The following COX10 variants were observed in gnomAD, a reference collection of about 807,000 sequenced individuals.
COX10 encodes the protein protoheme IX farnesyltransferase, mitochondrial.
In COX10, 27 loss-of-function variants were observed where a neutral mutation model predicts 37.3. The observed-to-expected ratio is 0.72, with a 90% CI of 0.53 to 1.00. COX10 has a LOEUF of 1.00. Ranked by LOEUF, COX10 falls within the 50% of genes least tolerant of loss-of-function variation. COX10 has a pLI of 0.00. For synonymous variants in COX10, 222 were observed against 229.1 expected, an observed-to-expected ratio of 0.97 and a Z score of 0.28; for missense variants, 475 against 563.2, an observed-to-expected ratio of 0.84 and a Z score of 1.59.
intron 3 of COX10, among the ~76,000 whole-genome samples, chr17:14,098,941 A>G (rs1481675500): frequency 6.6e-6 from 1 of 152,044 alleles, no homozygotes; most frequent in Non-Finnish European, 1.5e-5. Flanking sequence ...AACAGGCTGT[A>G]CCCCTAAGCA....
intron 5 of COX10, among the ~76,000 whole-genome samples, chr17:14,164,822 T>C (rs555529443): frequency 1.3e-5 from 2 of 152,250 alleles, no homozygotes; most frequent in Middle Eastern, 6.8e-3. Flanking sequence ...TTAAATTGAG[T>C]CAGTGAAAGA....
chr17:14,196,303 T>C (rs955958007), intron 6 of COX10, among the ~76,000 whole-genome samples: 3 of 152,104 alleles, frequency 2.0e-5, no homozygotes, highest in Non-Finnish European at 4.4e-5. Flanking sequence ...AATCAAATGA[T>C]TGAGTGATCT....
chr17:14,164,991 C>T lies in COX10; in HGVS notation c.695+5044C>T, dbSNP rs571663418. ...TTTGCCCCAACAGAATTATTGATAA[C>T]GTCCTCTTTCCCTTTCAACAATGCC... is the stretch of plus-strand genomic sequence containing the variant. On this transcript the variant is annotated intron_variant, in intron 5 of 6. Coordinates refer to ENST00000261643, the MANE Select transcript of COX10 (RefSeq NM_001303.4). 2.4e-4 allele frequency among the ~76,000 whole-genome samples: 37 copies of T among 152,264 alleles called. No individual in the cohort carries two copies. In the South Asian group the frequency reaches 7.1e-3, roughly 29 times the overall value.
At chr17:14,201,738 T>C (rs1906546098) in intron 6 of COX10, among the ~76,000 whole-genome samples, 1 of 152,196 alleles carries the variant, frequency 6.6e-6, no homozygotes, top group South Asian at 2.1e-4. Context: ...GATGTTGTTT[T>C]TCTTGAAAGA....
chr17:14,102,017 C>T, intron 3 of COX10, 101 bp from the exon 4 acceptor site: 1 of 1,409,990 alleles, frequency 7.1e-7, no homozygotes, highest in South Asian at 1.2e-5. Context: ...TTAATATAAT[C>T]AATTAGTTTA....
chr17:14,163,674 TAAAAG>T (rs1905217066), intron 5 of COX10, among the ~76,000 whole-genome samples: 1 of 152,144 alleles, frequency 6.6e-6, no homozygotes, highest in Non-Finnish European at 1.5e-5. Context: ...AGCCATGTCT[TAAAAG>T]AAAAAAAGCA....
At chr17:14,146,638 T>C (rs1022425877) in intron 4 of COX10, among the ~76,000 whole-genome samples, 14 of 151,946 alleles carry the variant, frequency 9.2e-5, no homozygotes, top group Non-Finnish European at 2.1e-4. Flanking sequence ...CATGGACAAA[T>C]GGGATCACAT....
chr17:14,104,640 A>G (rs1163501833), intron 4 of COX10, among the ~76,000 whole-genome samples: 4 of 152,104 alleles, frequency 2.6e-5, no homozygotes, highest in Admixed American at 2.6e-4. Context: ...AATTTTATTT[A>G]TATTTTGTAT....
chr17:14,093,557 A>G (rs1404354422), intron 3 of COX10, among the ~76,000 whole-genome samples: 1 of 152,214 alleles, frequency 6.6e-6, no homozygotes, highest in African/African-American at 2.4e-5. Flanking sequence ...GGTTAGAACT[A>G]GGGGCCTGGC....
chr17:14,073,053 G>A (rs1210953271), intron 1 of COX10, among the ~76,000 whole-genome samples: 2 of 152,198 alleles, frequency 1.3e-5, no homozygotes, highest in African/African-American at 4.8e-5. Context: ...ATTGTGAAAC[G>A]TGTGGTGTTT....
At chr17:14,076,355 A>G (rs1567585499) in intron 2 of COX10, among the ~76,000 whole-genome samples, 1 of 152,012 alleles carries the variant, frequency 6.6e-6, no homozygotes, top group Non-Finnish European at 1.5e-5. Flanking sequence ...GATTACAGTC[A>G]TGAGCCACTG....
chr17:14,085,970 C>T (rs148476120), intron 3 of COX10, among the ~76,000 whole-genome samples: 10 of 152,236 alleles, frequency 6.6e-5, no homozygotes, highest in East Asian at 1.9e-4. Context: ...ATTTGTCATA[C>T]GCTGAGTGGT....
At chr17:14,164,444 T>C (rs183466809) in intron 5 of COX10, among the ~76,000 whole-genome samples, 12 of 152,368 alleles carry the variant, frequency 7.9e-5, no homozygotes, top group African/African-American at 2.9e-4. Context: ...GCTTATAAAA[T>C]GTTCTATCAT....
At position 14,169,469 on chromosome 17, in the gene COX10, A is replaced by C. The variant is rs543182323; in HGVS notation, c.695+9522A>C. Among the ~76,000 whole-genome samples, 22 of 152,236 alleles carry C rather than the reference A, an allele frequency of 1.4e-4. 1 individual carries two copies. In the South Asian group the frequency reaches 4.1e-3, roughly 29 times the overall value. On this transcript the variant is annotated intron_variant, in intron 5 of 6. Transcript: ENST00000261643. ...TTCCACATTTTCAGGTATCTTTGTA[A>C]GAGCACCCCACTCCTGGTACCAATT...
In COX10 at chr17:14,207,326, T is replaced by C; in HGVS notation, c.*113T>C. 6 of 1,360,920 alleles carry C rather than the reference T, an allele frequency of 4.4e-6. No individual in the cohort carries two copies. Among genetic ancestry groups the C allele is most frequent in the Non-Finnish European group, 5.8e-6 (6 of 1,037,190 alleles). The allele number at this position is 1,360,920 out of a possible 1,614,324, so 84.3% of individuals were successfully genotyped here. ...GGTTTAGAACAAGATTATAAACGAATTCGGTGCTCAGTGATCACTTGACAG... is the reference window on the plus strand; with the variant it reads ...GGTTTAGAACAAGATTATAAACGAACTCGGTGCTCAGTGATCACTTGACAG... On this transcript the variant is annotated 3_prime_UTR_variant, in exon 7 of 7. Transcript: ENST00000261643.
In COX10 at chr17:14,102,270, T is replaced by C. The variant is rs183895001; in HGVS notation, c.624+28T>C. On this transcript the variant is annotated intron_variant, in intron 4 of 6. Transcript: ENST00000261643. Reference sequence around the variant, plus strand: ...CAGTTTCTCACTTTCATCTAAATTATGTTATTGTCACTTTTTCCTAGATGG... The same window carrying C: ...CAGTTTCTCACTTTCATCTAAATTACGTTATTGTCACTTTTTCCTAGATGG... The C allele has an allele frequency of 5.1e-3, 8,302 of 1,613,238 alleles. 29 individuals are homozygous for C. The highest frequency in any genetic ancestry group is 6.5e-3 in the Non-Finnish European group (7,610 of 1,179,532).
intron 4 of COX10, among the ~76,000 whole-genome samples, chr17:14,118,099 T>C (rs62055187): frequency 0.14 from 21,305 of 152,134 alleles, 1,893 homozygotes; most frequent in Non-Finnish European, 0.19. Context: ...GTTTTTCTGC[T>C]TCTCTTGACA....
intron 3 of COX10, among the ~76,000 whole-genome samples, chr17:14,093,984 A>G (rs1205076195): frequency 6.6e-6 from 1 of 152,178 alleles, no homozygotes; most frequent in Non-Finnish European, 1.5e-5. Context: ...ACTTGAGGCC[A>G]GGAGTTGAAG....
In COX10 at chr17:14,076,777, C is replaced by A; in HGVS notation, c.220C>A (p.Pro74Thr). The change falls in exon 3 of 7, where the codon CCC becomes ACC. Residue 74 changes from proline to threonine, a missense_variant. Around this residue, in one of 5 missense-constraint regions of COX10, gnomAD observed 242 missense variants for 242.5 expected, o/e 1.00. Coordinates refer to ENST00000261643, the MANE Select transcript of COX10 (RefSeq NM_001303.4). Reference sequence around the variant, plus strand: ...CAGAAGCCACAACCAGCAAGTAAGACCCAAGCCAGAACCAGTAGCATCTCC... The same window carrying A: ...CAGAAGCCACAACCAGCAAGTAAGAACCAAGCCAGAACCAGTAGCATCTCC... ...LNRSHNQQVR[P>T]KPEPVASPFL... The A allele has an allele frequency of 6.2e-7, 1 of 1,614,110 alleles. No homozygotes were observed. Among genetic ancestry groups the A allele is most frequent in the Non-Finnish European group, 8.5e-7 (1 of 1,180,018 alleles).
Sources: gnomAD v4.1 joint callset for allele counts (sites outside exome capture counted in the v4.1 genomes callset) on GRCh38, gnomAD v4.1.1 for gene constraint, gnomAD v4.1.1 regional missense constraint, MANE v1.5 for transcripts, NCBI Gene and HGNC (gene_info 2026-07-23, HGNC 2026-07-21) for gene names.